Variants in MYO9A observed in about 807,000 individuals in gnomAD.
MYO9A encodes the protein unconventional myosin-IXa.
A neutral mutation model predicts 293.3 loss-of-function variants in MYO9A; 103 were observed. The observed-to-expected ratio is 0.35, with a 90% CI of 0.30 to 0.41. MYO9A has a LOEUF of 0.41. Ranked by LOEUF, MYO9A falls within the 10% of genes least tolerant of loss-of-function variation. MYO9A has a pLI of 1.00. For missense variants in MYO9A, 2,685 were observed against 3,033.0 expected, an observed-to-expected ratio of 0.89 and a Z score of 2.69; for synonymous variants, 1,001 against 1,035.7, an observed-to-expected ratio of 0.97 and a Z score of 0.64.
At chr15:71,978,443 C>A in intron 11 of MYO9A, 151 bp from the exon 12 acceptor site, 1 of 660,758 alleles carries the variant, frequency 1.5e-6, no homozygotes, top group Non-Finnish European at 2.3e-6. Context: ...TTCAGTTGTA[C>A]AAATCTTAAT....
chr15:72,032,359 TA>T, intron 3 of MYO9A, 134 bp downstream of exon 3: 17 of 535,884 alleles, frequency 3.2e-5, no homozygotes, highest in Non-Finnish European at 4.2e-5. Flanking sequence ...TTTCCAAAAC[TA>T]AAAAAAGTTG....
At chr15:72,081,803 T>C (rs1340936811) in intron 1 of MYO9A, among the ~76,000 whole-genome samples, 1 of 152,212 alleles carries the variant, frequency 6.6e-6, no homozygotes, top group East Asian at 1.9e-4. Flanking sequence ...AGGGAGTCCT[T>C]TGCCCATTGC....
intron 18 of MYO9A, among the ~76,000 whole-genome samples, chr15:71,924,685 C>T (rs1203499618): frequency 6.6e-6 from 1 of 151,986 alleles, no homozygotes; most frequent in African/African-American, 2.4e-5. Context: ...CTTTGAGAGG[C>T]CAAGATGGGT....
intron 16 of MYO9A, among the ~76,000 whole-genome samples, chr15:71,936,582 A>C (rs1255023887): frequency 6.6e-6 from 1 of 152,168 alleles, no homozygotes; most frequent in African/African-American, 2.4e-5. Flanking sequence ...GTATCAAAAC[A>C]TCACACTGTA....
chr15:72,051,471 C>G (rs2078561746), intron 1 of MYO9A, among the ~76,000 whole-genome samples: 1 of 152,156 alleles, frequency 6.6e-6, no homozygotes, highest in Non-Finnish European at 1.5e-5. Context: ...GCCCCACCCT[C>G]CCAGGCACAG....
intron 4 of MYO9A, among the ~76,000 whole-genome samples, chr15:72,023,622 G>T (rs772729028): frequency 2.0e-5 from 3 of 150,226 alleles, no homozygotes; most frequent in Non-Finnish European, 4.4e-5. Flanking sequence ...TTGAACCCAG[G>T]AGGCGAAGGT....
At chr15:72,053,977 T>C (rs1417431139) in intron 1 of MYO9A, among the ~76,000 whole-genome samples, 21 of 152,212 alleles carry the variant, frequency 1.4e-4, no homozygotes, top group Non-Finnish European at 7.3e-5. Context: ...TTATATTACA[T>C]GTAAATGCTC....
intron 11 of MYO9A, among the ~76,000 whole-genome samples, chr15:71,990,391 T>A (rs1276852490): frequency 6.6e-6 from 1 of 151,872 alleles, no homozygotes; most frequent in East Asian, 2.0e-4. Flanking sequence ...AGCCAGCAAA[T>A]CTATTTAGGG....
At chr15:71,842,986 C>CTT (rs1425153240) in intron 39 of MYO9A, among the ~76,000 whole-genome samples, 1 of 151,826 alleles carries the variant, frequency 6.6e-6, no homozygotes, top group East Asian at 1.9e-4. Flanking sequence ...AAAAAAAGAC[C>CTT]TTTTCCCCTC....
intron 1 of MYO9A, among the ~76,000 whole-genome samples, chr15:72,113,406 C>T (rs936289289): frequency 3.3e-5 from 5 of 152,134 alleles, no homozygotes; most frequent in Admixed American, 2.6e-4. Flanking sequence ...AGAGAAAGCA[C>T]ATTACCTGAG....
intron 30 of MYO9A, 124 bp downstream of exon 30, chr15:71,879,597 T>G: frequency 1.4e-6 from 1 of 692,892 alleles, no homozygotes; most frequent in Non-Finnish European, 2.4e-6. Flanking sequence ...TGTCTATCCC[T>G]AAAACAAAAA....
chr15:71,998,420 C>A (rs946788682), intron 9 of MYO9A, among the ~76,000 whole-genome samples: 7 of 151,924 alleles, frequency 4.6e-5, no homozygotes, highest in Non-Finnish European at 8.8e-5. Flanking sequence ...ATATAACAAA[C>A]CTGCACTATA....
intron 14 of MYO9A, among the ~76,000 whole-genome samples, chr15:71,958,270 G>T (rs2059248940): frequency 6.6e-6 from 1 of 151,832 alleles, no homozygotes; most frequent in Admixed American, 6.6e-5. Context: ...AAAAATTCTG[G>T]ATCTACCATT....
intron 32 of MYO9A, 58 bp from the exon 33 acceptor site, chr15:71,862,669 C>T (rs930267367): frequency 7.0e-6 from 8 of 1,140,928 alleles, no homozygotes; most frequent in African/African-American, 3.1e-5. Context: ...GCTGCCCTAA[C>T]GTGGTGGGAA....
At chr15:71,968,927 A>C (rs1013486225) in intron 12 of MYO9A, among the ~76,000 whole-genome samples, 7 of 152,236 alleles carry the variant, frequency 4.6e-5, no homozygotes, top group Non-Finnish European at 8.8e-5. Context: ...AAAGTTGCTT[A>C]ATACAAATCT....
At chr15:72,091,839 C>A (rs1156941487) in intron 1 of MYO9A, among the ~76,000 whole-genome samples, 2 of 151,782 alleles carry the variant, frequency 1.3e-5, no homozygotes, top group Non-Finnish European at 2.9e-5. Context: ...CTCAGCCTCC[C>A]GAGTAGCTGG....
chr15:71,946,066 T>C (rs2058910499), intron 15 of MYO9A, among the ~76,000 whole-genome samples: 2 of 146,414 alleles, frequency 1.4e-5, no homozygotes, highest in Non-Finnish European at 2.9e-5. Context: ...GTGGTCTTCA[T>C]GTATTATTCT....
In MYO9A at chr15:71,928,056, A is replaced by AT. The variant is rs1172759885; in HGVS notation, c.2562+5613dup. On this transcript the variant is annotated intron_variant, in intron 18 of 41. Transcript: ENST00000356056. ...TATATATATATATATATATATATAT[A>AT]TTTTTTTTTTTTTTTTTTTTTTTTT... Among the ~76,000 whole-genome samples, 23 of 6,042 alleles carry AT rather than the reference A, an allele frequency of 3.8e-3. 5 individuals are homozygous for AT. Among genetic ancestry groups the AT allele is most frequent in the Non-Finnish European group, 8.6e-3 (15 of 1,740 alleles). 4.0% of individuals were successfully genotyped at this position (6,042 alleles called of 152,430 possible).
At chr15:72,048,975 C>T (rs1483128636) in intron 1 of MYO9A, among the ~76,000 whole-genome samples, 3 of 152,148 alleles carry the variant, frequency 2.0e-5, no homozygotes, top group Non-Finnish European at 4.4e-5. Flanking sequence ...GCTATTACTC[C>T]TTTTCTTTTT....
Sources: gnomAD v4.1 joint callset for allele counts (sites outside exome capture counted in the v4.1 genomes callset) on GRCh38, gnomAD v4.1.1 for gene constraint, MANE v1.5 for transcripts, NCBI Gene and HGNC (gene_info 2026-07-23, HGNC 2026-07-21) for gene names.